SUGCT: variants seen among roughly 807,000 people sequenced by gnomAD.
The protein encoded by SUGCT is succinyl-CoA:glutarate CoA-transferase.
Under a neutral mutation model 55.0 loss-of-function variants are expected in SUGCT, and 41 were observed. The observed-to-expected ratio is 0.74, with a 90% CI of 0.58 to 0.97. The LOEUF is 0.97. Among genes scored for constraint, SUGCT ranks in the 50% least tolerant of loss-of-function variants. The pLI is 0.00. For missense variants in SUGCT, 568 were observed against 547.8 expected, an observed-to-expected ratio of 1.04 and a Z score of -0.37; for synonymous variants, 187 against 200.4, an observed-to-expected ratio of 0.93 and a Z score of 0.56.
In SUGCT at chr7:40,439,022, G is replaced by A. The variant is rs182963952; in HGVS notation, c.817-10265G>A. 8.2e-5 allele frequency among the ~76,000 whole-genome samples: 11 copies of A among 134,878 alleles called. 1 individual carries two copies. The East Asian group carries it at 1.8e-3, about 22-fold the overall frequency. The allele number at this position is 134,878 out of a possible 152,430, so 88.5% of individuals were successfully genotyped here. A position where few individuals can be genotyped will look rare whatever the true frequency, so the allele number is the denominator to read the frequency against. ...GTATATATGTAGAAATTGTGTGTGTGTATATATAATATGGTATATATATAT... is the reference window on the plus strand; with the variant it reads ...GTATATATGTAGAAATTGTGTGTGTATATATATAATATGGTATATATATAT... On this transcript the variant is annotated intron_variant, in intron 9 of 13. Transcript: ENST00000335693.
chr7:40,895,350 T>C, the SUGCT span, among the ~76,000 whole-genome samples: 1 of 151,948 alleles, frequency 6.6e-6, no homozygotes, highest in Non-Finnish European at 1.5e-5. Context: ...CAGAAAAAAA[T>C]ACCTATTGGG....
At chr7:40,717,823 TTATAGA>T (rs1158758427) in intron 12 of SUGCT, among the ~76,000 whole-genome samples, 2 of 152,280 alleles carry the variant, frequency 1.3e-5, no homozygotes, top group Non-Finnish European at 1.5e-5. Context: ...ATAGACATAG[TTATAGA>T]TATATAGATA....
chr7:40,274,181 A>T (rs531046351), intron 7 of SUGCT, among the ~76,000 whole-genome samples: 140 of 145,766 alleles, frequency 9.6e-4, no homozygotes, highest in African/African-American at 3.5e-3. Context: ...AAATTCAATT[A>T]ATTTTTTTAG....
At chr7:40,270,045 A>G (rs1375780891) in intron 7 of SUGCT, among the ~76,000 whole-genome samples, 1 of 151,362 alleles carries the variant, frequency 6.6e-6, no homozygotes, top group Non-Finnish European at 1.5e-5. Context: ...CTGAGATAAG[A>G]GAATTGCATG....
rs180684600 is a variant in SUGCT at position 40,350,133 on chromosome 7, G to A, written c.816+33278G>A. On this transcript the variant is annotated intron_variant, in intron 9 of 13. Transcript: ENST00000335693. Reference sequence around the variant, plus strand: ...CTATAATATCCTTTATTCTAATATTGTTCTTTTTAAAATAATTTCATATAA... The same window carrying A: ...CTATAATATCCTTTATTCTAATATTATTCTTTTTAAAATAATTTCATATAA... 2.7e-3 allele frequency among the ~76,000 whole-genome samples: 416 copies of A among 151,696 alleles called. 2 individuals are homozygous for A. Among genetic ancestry groups the A allele is most frequent in the African/African-American group, 9.6e-3 (396 of 41,432 alleles).
At chr7:40,957,107 G>A in the SUGCT span, among the ~76,000 whole-genome samples, 1 of 152,178 alleles carries the variant, frequency 6.6e-6, no homozygotes, top group Admixed American at 6.6e-5. Context: ...GATTTTGGGT[G>A]GAGAGTTCTG....
chr7:40,949,896 T>C, the SUGCT span, among the ~76,000 whole-genome samples: 2 of 152,236 alleles, frequency 1.3e-5, no homozygotes, highest in Admixed American at 1.3e-4. Context: ...GCATGATGCC[T>C]CTAGCTTTGT....
chr7:40,697,413 T>C (rs1226822490), intron 12 of SUGCT, among the ~76,000 whole-genome samples: 2 of 152,050 alleles, frequency 1.3e-5, no homozygotes, highest in Admixed American at 6.6e-5. Context: ...AGTGGGTGGA[T>C]CACTTGAGGT....
chr7:40,320,306 A>G (rs982923771), intron 9 of SUGCT, among the ~76,000 whole-genome samples: 2 of 151,924 alleles, frequency 1.3e-5, no homozygotes, highest in African/African-American at 4.8e-5. Context: ...GGGTTTCTCC[A>G]TGTTGGCCAG....
chr7:40,616,409 T>G (rs1400939732), intron 12 of SUGCT, among the ~76,000 whole-genome samples: 2 of 152,196 alleles, frequency 1.3e-5, no homozygotes, highest in Non-Finnish European at 2.9e-5. Flanking sequence ...TTGGCCAGGC[T>G]GACCGCAAGT....
intron 13 of SUGCT, among the ~76,000 whole-genome samples, chr7:40,812,338 A>G (rs1791464097): frequency 1.3e-5 from 2 of 152,240 alleles, no homozygotes; most frequent in Admixed American, 6.5e-5. Flanking sequence ...TCAGCTGTGA[A>G]TTCATCTGGT....
intron 12 of SUGCT, among the ~76,000 whole-genome samples, chr7:40,636,833 C>CCTGA (rs34182182): frequency 0.2 from 30,649 of 151,950 alleles, 5,913 homozygotes; most frequent in African/African-American, 0.51. Context: ...ATTAATCATG[C>CCTGA]CTATTTTGGT....
At chr7:40,648,113 T>G (rs1425639176) in intron 12 of SUGCT, among the ~76,000 whole-genome samples, 1 of 152,194 alleles carries the variant, frequency 6.6e-6, no homozygotes, top group Non-Finnish European at 1.5e-5. Flanking sequence ...ATAAAATATT[T>G]AAAGTATAGA....
the SUGCT span, among the ~76,000 whole-genome samples, chr7:40,874,702 G>T: frequency 6.6e-6 from 1 of 152,160 alleles, no homozygotes; most frequent in East Asian, 1.9e-4. Context: ...GATCAATGCT[G>T]TTCAACTGGG....
downstream of SUGCT, among the ~76,000 whole-genome samples, chr7:40,861,000 C>CT (rs1349917837): frequency 6.6e-6 from 1 of 152,140 alleles, no homozygotes; most frequent in African/African-American, 2.4e-5. Context: ...CTCTTGAACC[C>CT]TTTGTTAGTC....
the SUGCT span, among the ~76,000 whole-genome samples, chr7:41,017,067 GC>G: frequency 7.9e-5 from 12 of 152,306 alleles, no homozygotes; most frequent in East Asian, 2.1e-3. Context: ...TCAGCCATGC[GC>G]TTGCTCTGCT....
At chr7:40,895,359 G>C in the SUGCT span, among the ~76,000 whole-genome samples, 1 of 152,014 alleles carries the variant, frequency 6.6e-6, no homozygotes, top group East Asian at 1.9e-4. Context: ...ATACCTATTG[G>C]GTACTATGTT....
At chr7:40,383,051 A>T (rs4571646) in intron 9 of SUGCT, among the ~76,000 whole-genome samples, 143,986 of 152,040 alleles carry the variant, frequency 0.95, 68,660 homozygotes, top group East Asian at 1. Context: ...CAAAGTGGAG[A>T]TTTATGGTGC....
chr7:40,531,363 T>G (rs1329868260), intron 12 of SUGCT, among the ~76,000 whole-genome samples: 2 of 152,088 alleles, frequency 1.3e-5, no homozygotes, highest in East Asian at 3.9e-4. Context: ...AATGGCAGGG[T>G]GGGTCTTCTG....
Sources: allele counts gnomAD v4.1 joint callset (sites outside exome capture counted in the v4.1 genomes callset), GRCh38; gene constraint gnomAD v4.1.1; transcripts MANE v1.5; gene names NCBI Gene and HGNC (gene_info 2026-07-23, HGNC 2026-07-21).